DMD: variants seen among roughly 807,000 people sequenced by gnomAD.
DMD encodes the protein mutant dystrophin.
A neutral mutation model predicts 330.1 loss-of-function variants in DMD; 63 were observed. The observed-to-expected ratio is 0.19, with a 90% confidence interval of 0.16 to 0.24. The LOEUF is 0.24. Ranked by LOEUF, DMD falls within the 10% of genes least tolerant of loss-of-function variation. DMD has a pLI of 1.00. For missense variants in DMD, 3,344 were observed against 2,684.1 expected (o/e 1.25, Z -5.43); for synonymous variants, 1,223 against 959.8 (o/e 1.27, Z -5.07).
chrX:32,593,288 AATC>A (rs2055145261), intron 13 of DMD, among the ~76,000 whole-genome samples: 1 of 112,875 alleles, frequency 8.9e-6, no homozygotes, highest in Non-Finnish European at 1.9e-5. Context: ...TTTCCTCAGG[AATC>A]ATCTGTTGCG....
chrX:32,708,520 G>T (rs2064892486), intron 7 of DMD, among the ~76,000 whole-genome samples: 1 of 111,261 alleles, frequency 9.0e-6, no homozygotes, highest in Non-Finnish European at 1.9e-5. Context: ...CAAAGTAAAT[G>T]CTCAATATAT....
chrX:31,129,266 T>C (rs2034165645), intron 77 of DMD, among the ~76,000 whole-genome samples: 1 of 112,247 alleles, frequency 8.9e-6, no homozygotes, highest in Admixed American at 9.5e-5. Context: ...TTTAAAATAC[T>C]TAAGGAAGAA....
intron 2 of DMD, among the ~76,000 whole-genome samples, chrX:33,015,071 A>T (rs5928150): frequency 0.099 from 10,964 of 111,004 alleles, 770 homozygotes; most frequent in African/African-American, 0.23. Context: ...TTGGTGGGAG[A>T]GTAAATGAGT....
At chrX:31,780,102 T>G (rs1356743740) in intron 50 of DMD, among the ~76,000 whole-genome samples, 4 of 111,850 alleles carry the variant, frequency 3.6e-5, no homozygotes, top group African/African-American at 1.3e-4. Flanking sequence ...TTAGTCAGAC[T>G]AACAGCTTTA....
At chrX:31,854,672 G>A (rs1217459527) in intron 48 of DMD, among the ~76,000 whole-genome samples, 1 of 111,746 alleles carries the variant, frequency 8.9e-6, no homozygotes, top group Non-Finnish European at 1.9e-5. Flanking sequence ...ATGCTACAGG[G>A]TCTCTGGATT....
At chrX:31,224,936 C>T (rs2046432861) in intron 63 of DMD, among the ~76,000 whole-genome samples, 1 of 112,059 alleles carries the variant, frequency 8.9e-6, no homozygotes, top group Non-Finnish European at 1.9e-5. Flanking sequence ...CTAGAACAGG[C>T]AAAACTTAGC....
At chrX:32,156,564 A>C (rs2096831054) in intron 44 of DMD, among the ~76,000 whole-genome samples, 2 of 109,845 alleles carry the variant, frequency 1.8e-5, no homozygotes, top group Non-Finnish European at 3.8e-5. Context: ...ACTCATTGAT[A>C]CAATGTATAT....
chrX:32,655,916 T>A (rs2006628), intron 9 of DMD, among the ~76,000 whole-genome samples: 5,897 of 111,391 alleles, frequency 0.053, 212 homozygotes, highest in Admixed American at 0.17. Flanking sequence ...TCTCTTTTGA[T>A]CTTTGTTGGT....
intron 50 of DMD, among the ~76,000 whole-genome samples, chrX:31,790,738 G>T (rs1484081755): frequency 9.0e-6 from 1 of 110,838 alleles, no homozygotes; most frequent in Non-Finnish European, 1.9e-5. Flanking sequence ...GATCAAATGA[G>T]GACTAGATCC....
intron 11 of DMD, among the ~76,000 whole-genome samples, chrX:32,617,131 C>A (rs1432630889): frequency 9.0e-6 from 1 of 110,585 alleles, no homozygotes; most frequent in East Asian, 2.9e-4. Context: ...TCACCCAATA[C>A]AATGCGGGGC....
rs190848170 is a variant in DMD at position 32,835,263 on chromosome X, T to C, written c.264+9520A>G. On this transcript the variant is annotated intron_variant, in intron 4 of 78. Transcript: ENST00000357033. ...CAGGGCAAAGAAATAATAGAATGGC[T>C]GTATAAGAGATGTTTCATCCTAGCT... Among the ~76,000 whole-genome samples the C allele has an allele frequency of 2.8e-3, 313 of 111,915 alleles. 1 individual carries two copies. Among genetic ancestry groups the C allele is most frequent in the African/African-American group, 9.7e-3 (298 of 30,861 alleles).
At chrX:31,720,649 A>C (rs1348863157) in intron 52 of DMD, among the ~76,000 whole-genome samples, 2 of 101,482 alleles carry the variant, frequency 2.0e-5, no homozygotes, top group African/African-American at 9.4e-5. Flanking sequence ...TAATTGGTTT[A>C]TTTATTTAAT....
chrX:31,656,429 A>G (rs1180377786), intron 54 of DMD, among the ~76,000 whole-genome samples: 1 of 112,168 alleles, frequency 8.9e-6, no homozygotes, highest in Non-Finnish European at 1.9e-5. Context: ...CAGAAAGAGT[A>G]GTATAGATAG....
intron 47 of DMD, among the ~76,000 whole-genome samples, chrX:31,901,699 C>T (rs748215645): frequency 9.0e-6 from 1 of 111,725 alleles, no homozygotes; most frequent in East Asian, 2.8e-4. Context: ...CATACAACAT[C>T]TTATTAATAT....
At chrX:32,499,259 TATAAA>T (rs1383683598) in intron 19 of DMD, among the ~76,000 whole-genome samples, 4 of 112,139 alleles carry the variant, frequency 3.6e-5, no homozygotes, top group African/African-American at 1.3e-4. Flanking sequence ...TATAGATACA[TATAAA>T]ATATAGTTCA....
intron 2 of DMD, among the ~76,000 whole-genome samples, chrX:32,886,350 C>T (rs1384945197): frequency 9.2e-6 from 1 of 108,857 alleles, no homozygotes; most frequent in Non-Finnish European, 1.9e-5. Context: ...AATAATTTTG[C>T]TAAGTATTTT....
intron 39 of DMD, among the ~76,000 whole-genome samples, chrX:32,344,284 T>C (rs2097757120): frequency 1.8e-5 from 2 of 111,950 alleles, no homozygotes; most frequent in South Asian, 7.4e-4. Flanking sequence ...TTTCATTCCA[T>C]TGGAAAATTT....
chrX:32,382,352 CAT>C (rs2097929850), intron 33 of DMD, among the ~76,000 whole-genome samples: 1 of 51,784 alleles, frequency 1.9e-5, no homozygotes, highest in South Asian at 1.0e-3. Flanking sequence ...ATATTTATGT[CAT>C]ATATATGTGT....
intron 2 of DMD, among the ~76,000 whole-genome samples, chrX:32,944,569 T>C (rs1005138261): frequency 9.0e-6 from 1 of 110,737 alleles, no homozygotes; most frequent in African/African-American, 3.3e-5. Flanking sequence ...GGATTTTCTC[T>C]TTTGTTTCAC....
Sources: allele counts gnomAD v4.1 joint callset (sites outside exome capture counted in the v4.1 genomes callset), GRCh38; gene constraint gnomAD v4.1.1; transcripts MANE v1.5; gene names NCBI Gene and HGNC (gene_info 2026-07-23, HGNC 2026-07-21).